DOCK9: variants seen among roughly 807,000 people sequenced by gnomAD.
The protein encoded by DOCK9 is dedicator of cytokinesis protein 9.
DOCK9 carries 89 observed loss-of-function variants against 263.3 expected under a neutral mutation model. The observed-to-expected ratio is 0.34, with a 90% confidence interval of 0.28 to 0.40. The LOEUF (loss-of-function observed/expected upper bound fraction) is 0.40. DOCK9 is among the 10% of genes least tolerant of loss of function. The probability of loss-of-function intolerance (pLI) is 1.00; values close to 1 mark genes in which losing one functional copy is unlikely to be tolerated. For missense variants in DOCK9, 2,140 were observed against 2,603.4 expected (o/e 0.82, Z 3.87); for synonymous variants, 976 against 973.1 (o/e 1.00, Z -0.06).
At chr13:99,026,830 T>C (rs1886784799) in intron 1 of DOCK9, among the ~76,000 whole-genome samples, 1 of 152,286 alleles carries the variant, frequency 6.6e-6, no homozygotes, top group Non-Finnish European at 1.5e-5. Context: ...ATCTCAACAA[T>C]GTAGGAGATT....
chr13:98,826,359 C>A (rs987482659), intron 44 of DOCK9, among the ~76,000 whole-genome samples: 1 of 152,158 alleles, frequency 6.6e-6, no homozygotes. Flanking sequence ...ACAAATGAAG[C>A]GTCACTCCTC....
intron 1 of DOCK9, among the ~76,000 whole-genome samples, chr13:99,031,077 T>C (rs896354277): frequency 3.3e-5 from 5 of 151,646 alleles, no homozygotes; most frequent in South Asian, 4.2e-4. Flanking sequence ...ATTAACAACA[T>C]AGACTTTATA....
chr13:98,893,764 G>A lies in DOCK9; in HGVS notation c.1709+3724C>T, dbSNP rs546049330. 2.0e-5 allele frequency among the ~76,000 whole-genome samples: 3 copies of A among 152,054 alleles called. 1 individual carries two copies. The East Asian group carries it at 5.8e-4, about 29-fold the overall frequency. Reference sequence around the variant, plus strand: ...GAGGAAAGAAAAATAGCAATGCAAAGATTTTTAAAAAATGAAAAAGGAATC... The same window carrying A: ...GAGGAAAGAAAAATAGCAATGCAAAAATTTTTAAAAAATGAAAAAGGAATC... On this transcript the variant is annotated intron_variant, in intron 15 of 52. Coordinates refer to ENST00000682017, the MANE Select transcript of DOCK9 (RefSeq NM_001366683.2).
At chr13:98,953,510 T>C (rs959640962) in intron 2 of DOCK9, among the ~76,000 whole-genome samples, 1 of 152,224 alleles carries the variant, frequency 6.6e-6, no homozygotes, top group African/African-American at 2.4e-5. Context: ...TCTTAAGCAA[T>C]TTTATCTCAG....
intron 9 of DOCK9, among the ~76,000 whole-genome samples, chr13:98,911,621 G>A (rs1294136960): frequency 3.3e-5 from 5 of 151,742 alleles, no homozygotes; most frequent in East Asian, 3.9e-4. Context: ...CAGGTCGGGC[G>A]TAGTGGCTCA....
At chr13:98,986,763 C>T (rs1028647685) in intron 1 of DOCK9, among the ~76,000 whole-genome samples, 4 of 152,152 alleles carry the variant, frequency 2.6e-5, no homozygotes, top group Admixed American at 6.6e-5. Flanking sequence ...TAGGGGCTCA[C>T]ACGTTGTTAT....
In DOCK9 at chr13:98,829,288, C is replaced by CGGCT. The variant is rs1566629420; in HGVS notation, c.4965+15_4965+18dup. 6.3e-7 allele frequency: 1 copy of CGGCT among 1,597,704 alleles called. No homozygotes were observed. The highest frequency in any genetic ancestry group is 8.5e-7 in the Non-Finnish European group (1 of 1,170,868). On this transcript the variant is annotated intron_variant, in intron 43 of 52. Coordinates refer to ENST00000682017, the MANE Select transcript of DOCK9 (RefSeq NM_001366683.2). This position sits in a 1 kb window ranked among gnomAD's most constrained non-coding sequence, Gnocchi z 4.1. Reference sequence around the variant, plus strand: ...TGGTTTTTTCAAAAACCCATTCAAGCGGCTGGCAGGGCTACTACCTCTGAG... The same window carrying CGGCT: ...TGGTTTTTTCAAAAACCCATTCAAGCGGCTGGCTGGCAGGGCTACTACCTCTGAG...
intron 1 of DOCK9, among the ~76,000 whole-genome samples, chr13:99,035,371 T>TGCTATTTTGG (rs1186532009): frequency 1.3e-5 from 2 of 152,228 alleles, no homozygotes; most frequent in African/African-American, 4.8e-5. Flanking sequence ...CTGGTGGGCC[T>TGCTATTTTGG]CTGGCTACCC....
intron 45 of DOCK9, among the ~76,000 whole-genome samples, chr13:98,814,979 A>ACATAACATAACATAACG (rs56067351): frequency 7.0e-6 from 1 of 142,114 alleles, no homozygotes; most frequent in Non-Finnish European, 1.6e-5. Context: ...ATAAAATAAA[A>ACATAACATAACATAACG]TAAAATAAAA....
At chr13:98,987,293 T>G (rs546434369) in intron 1 of DOCK9, among the ~76,000 whole-genome samples, 1 of 152,314 alleles carries the variant, frequency 6.6e-6, no homozygotes, top group African/African-American at 2.4e-5. Flanking sequence ...CAACATAAAA[T>G]TTTAAAAAGA....
intron 1 of DOCK9, among the ~76,000 whole-genome samples, chr13:99,008,348 C>G (rs1409499971): frequency 6.6e-6 from 1 of 151,576 alleles, no homozygotes; most frequent in Non-Finnish European, 1.5e-5. Context: ...ATTCTCCTGC[C>G]TCAGCCTCCC....
At chr13:99,072,703 C>T (rs2142385717) in intron 1 of DOCK9, among the ~76,000 whole-genome samples, 1 of 152,266 alleles carries the variant, frequency 6.6e-6, no homozygotes, top group South Asian at 2.1e-4. Flanking sequence ...ATGCCTTTTA[C>T]TTAAAGAATT....
intron 3 of DOCK9, among the ~76,000 whole-genome samples, chr13:98,927,546 A>G (rs1476491216): frequency 6.6e-6 from 1 of 152,224 alleles, no homozygotes; most frequent in Non-Finnish European, 1.5e-5. Context: ...GTACCTGCCC[A>G]ATTAAAAACT....
intron 11 of DOCK9, 142 bp downstream of exon 11, chr13:98,902,829 TA>T: frequency 1.1e-6 from 1 of 880,876 alleles, no homozygotes; most frequent in Non-Finnish European, 1.7e-6. Flanking sequence ...CCTTGCAGGC[TA>T]ACAACCTCCA....
At chr13:99,019,744 A>T (rs1258766201) in intron 1 of DOCK9, among the ~76,000 whole-genome samples, 2 of 152,074 alleles carry the variant, frequency 1.3e-5, no homozygotes, top group Non-Finnish European at 2.9e-5. Flanking sequence ...AGTGGAGGAG[A>T]TCCATCCCGT....
chr13:99,016,058 G>A (rs1398468042), intron 1 of DOCK9: 1 of 153,326 alleles, frequency 6.5e-6, no homozygotes, highest in East Asian at 1.9e-4. Flanking sequence ...GCTGCTGGGA[G>A]GCACAAAGAA....
chr13:98,893,619 A>T (rs2046955208), intron 15 of DOCK9, among the ~76,000 whole-genome samples: 1 of 152,194 alleles, frequency 6.6e-6, no homozygotes, highest in Non-Finnish European at 1.5e-5. Flanking sequence ...AGCGTGAAGA[A>T]ATTTTTTTCA....
intron 1 of DOCK9, among the ~76,000 whole-genome samples, chr13:99,026,572 T>C (rs1886753027): frequency 1.3e-5 from 2 of 152,208 alleles, no homozygotes; most frequent in African/African-American, 4.8e-5. Context: ...CAATAACTGG[T>C]TCATTTATTA....
At chr13:98,920,129 C>G (rs943759958) in intron 7 of DOCK9, among the ~76,000 whole-genome samples, 2 of 152,184 alleles carry the variant, frequency 1.3e-5, no homozygotes, top group African/African-American at 2.4e-5. Context: ...GCATGCAAAA[C>G]TGGTAGTAGC....
Sources: gnomAD v4.1 joint callset for allele counts (sites outside exome capture counted in the v4.1 genomes callset) on GRCh38, gnomAD v4.1.1 for gene constraint, Gnocchi (gnomAD v3.1) non-coding constraint, MANE v1.5 for transcripts, NCBI Gene and HGNC (gene_info 2026-07-23, HGNC 2026-07-21) for gene names.